DIPK1A: variants seen among roughly 807,000 people sequenced by gnomAD.
DIPK1A encodes family with sequence similarity 69 member A.
In DIPK1A, 27 loss-of-function variants were observed where a neutral mutation model predicts 40.8. The ratio of observed to expected loss-of-function variants is 0.66; its 90% CI spans 0.49 to 0.91. The LOEUF (loss-of-function observed/expected upper bound fraction) is 0.91. Ranked by LOEUF, DIPK1A falls within the 40% of genes least tolerant of loss-of-function variation. The pLI is 0.00. For synonymous variants in DIPK1A, 166 were observed against 171.3 expected (o/e 0.97, Z 0.24); for missense variants, 412 against 505.7 (o/e 0.81, Z 1.78).
At chr1:92,860,750 C>T (rs1192133982) in intron 2 of DIPK1A, among the ~76,000 whole-genome samples, 1 of 151,228 alleles carries the variant, frequency 6.6e-6, no homozygotes, top group African/African-American at 2.4e-5. Flanking sequence ...TACCACTGCA[C>T]TCCAGCGTGG....
chr1:92,898,247 GAC>G (rs1349799688), intron 1 of DIPK1A, among the ~76,000 whole-genome samples: 1 of 152,168 alleles, frequency 6.6e-6, no homozygotes, highest in East Asian at 1.9e-4. Flanking sequence ...TGGTGAAAGT[GAC>G]AGGGAGCCAG....
At chr1:92,867,400 C>A (rs114837522) in intron 2 of DIPK1A, among the ~76,000 whole-genome samples, 1 of 151,862 alleles carries the variant, frequency 6.6e-6, no homozygotes, top group African/African-American at 2.4e-5. Flanking sequence ...TGGATGGGAC[C>A]CTTCACACAC....
intron 1 of DIPK1A, among the ~76,000 whole-genome samples, chr1:92,941,279 CT>C (rs1290019849): frequency 6.6e-6 from 1 of 152,068 alleles, no homozygotes; most frequent in East Asian, 1.9e-4. Flanking sequence ...TGGTGAGAAA[CT>C]TTTTTCACAT....
At chr1:92,941,950 A>G (rs1651165949) in intron 1 of DIPK1A, among the ~76,000 whole-genome samples, 1 of 150,798 alleles carries the variant, frequency 6.6e-6, no homozygotes, top group Non-Finnish European at 1.5e-5. Context: ...AGATCACACC[A>G]TTGCACTCCA....
At chr1:92,886,335 A>C (rs1160485803) in intron 1 of DIPK1A, among the ~76,000 whole-genome samples, 1 of 152,082 alleles carries the variant, frequency 6.6e-6, no homozygotes, top group East Asian at 1.9e-4. Flanking sequence ...TGTCTAAAAA[A>C]AAAATTGATA....
intron 2 of DIPK1A, among the ~76,000 whole-genome samples, chr1:92,866,553 A>C (rs1389542344): frequency 6.6e-6 from 1 of 152,188 alleles, no homozygotes; most frequent in Non-Finnish European, 1.5e-5. Flanking sequence ...ACCTGATGTG[A>C]TGGTCTTTTG....
rs755731722 is a variant in DIPK1A at position 92,843,278 on chromosome 1, G to A, written c.*105C>T. The A allele has an allele frequency of 5.5e-6, 8 of 1,452,678 alleles. No homozygotes were observed. The Admixed American group carries it at 2.0e-4, about 37-fold the overall frequency. The allele number at this position is 1,452,678 out of a possible 1,614,324, so 90.0% of individuals were successfully genotyped here. On this transcript the variant is annotated 3_prime_UTR_variant, in exon 5 of 5. Transcript: ENST00000370310. ...ATGGCTTCTCAGGCCTGGGGGGAAGGAGTTTTGTGTAACTGGCCGGAATTT... is the reference window on the plus strand; with the variant it reads ...ATGGCTTCTCAGGCCTGGGGGGAAGAAGTTTTGTGTAACTGGCCGGAATTT...
chr1:92,931,419 T>C (rs1013536289), intron 1 of DIPK1A: 8 of 224,386 alleles, frequency 3.6e-5, no homozygotes, highest in Non-Finnish European at 7.6e-5. Flanking sequence ...AAACAAAAGA[T>C]GTATTTCAAT....
chr1:92,847,539 TTAAAC>T (rs1687680633), intron 3 of DIPK1A, among the ~76,000 whole-genome samples, 180 bp from the exon 4 acceptor site: 1 of 152,190 alleles, frequency 6.6e-6, no homozygotes, highest in African/African-American at 2.4e-5. Flanking sequence ...GATTTTTTCC[TTAAAC>T]TAATTTTTTA....
chr1:92,879,552 C>T (rs946400271), intron 1 of DIPK1A, among the ~76,000 whole-genome samples: 1 of 152,184 alleles, frequency 6.6e-6, no homozygotes, highest in African/African-American at 2.4e-5. Context: ...TGGGCATCAC[C>T]TGTTGTAGAC....
intron 1 of DIPK1A, among the ~76,000 whole-genome samples, chr1:92,938,667 T>C (rs895165529): frequency 7.2e-5 from 11 of 152,158 alleles, no homozygotes; most frequent in African/African-American, 2.4e-4. Flanking sequence ...TTTTTGGATA[T>C]ATCATTTTAT....
At chr1:92,935,522 T>C (rs536897529) in intron 1 of DIPK1A, among the ~76,000 whole-genome samples, 2 of 152,168 alleles carry the variant, frequency 1.3e-5, no homozygotes, top group South Asian at 2.1e-4. Flanking sequence ...CAGAGAGGGG[T>C]ACTGGAATCA....
chr1:92,861,891 C>T (rs1647288706), intron 2 of DIPK1A, among the ~76,000 whole-genome samples: 1 of 152,044 alleles, frequency 6.6e-6, no homozygotes, highest in Admixed American at 6.6e-5. Context: ...GTGATCCTCC[C>T]ACCTCGGCCT....
At chr1:92,918,621 ACT>A (rs1471496233) in intron 1 of DIPK1A, among the ~76,000 whole-genome samples, 1 of 152,002 alleles carries the variant, frequency 6.6e-6, no homozygotes, top group African/African-American at 2.4e-5. Context: ...CATTCCTATA[ACT>A]CCATCAAAAT....
intron 1 of DIPK1A, among the ~76,000 whole-genome samples, chr1:92,883,601 C>T (rs1043699125): frequency 1.3e-5 from 2 of 152,164 alleles, no homozygotes; most frequent in Admixed American, 6.5e-5. Flanking sequence ...TGTCCAACCT[C>T]TCAACTTAGG....
chr1:92,926,674 G>A (rs1010956129), intron 1 of DIPK1A, among the ~76,000 whole-genome samples: 2 of 152,176 alleles, frequency 1.3e-5, no homozygotes, highest in Admixed American at 6.5e-5. Flanking sequence ...TATGGTTTAT[G>A]TATTTTGAAG....
intron 1 of DIPK1A, among the ~76,000 whole-genome samples, chr1:92,896,756 C>T (rs532903131): frequency 6.6e-6 from 1 of 152,270 alleles, no homozygotes; most frequent in East Asian, 1.9e-4. Context: ...ATCTACTCAT[C>T]TGACCAAGGG....
chr1:92,850,525 C>CA (rs1288805851), intron 3 of DIPK1A, among the ~76,000 whole-genome samples: 10 of 151,862 alleles, frequency 6.6e-5, no homozygotes, highest in African/African-American at 1.9e-4. Context: ...TACAAAAATA[C>CA]AAAAAATTAG....
intron 1 of DIPK1A, among the ~76,000 whole-genome samples, chr1:92,959,133 A>C (rs1488119577): frequency 6.6e-6 from 1 of 152,010 alleles, no homozygotes; most frequent in Non-Finnish European, 1.5e-5. Context: ...AAAAATTAAA[A>C]AAATTAGCTG....
Sources: allele counts gnomAD v4.1 joint callset (sites outside exome capture counted in the v4.1 genomes callset), GRCh38; gene constraint gnomAD v4.1.1; transcripts MANE v1.5; gene names NCBI Gene and HGNC (gene_info 2026-07-23, HGNC 2026-07-21).